Variants in PTPRF observed in about 807,000 individuals in gnomAD.
The protein encoded by PTPRF is receptor-type tyrosine-protein phosphatase F.
A neutral mutation model predicts 201.8 loss-of-function variants in PTPRF; 59 were observed. That is an observed-to-expected ratio of 0.29 (90% CI 0.24 to 0.36). The LOEUF (loss-of-function observed/expected upper bound fraction) is 0.36. Ranked by LOEUF, PTPRF falls within the 10% of genes least tolerant of loss-of-function variation. The pLI, the probability that PTPRF is intolerant of heterozygous loss-of-function variation, is 1.00. For missense variants in PTPRF, 2,132 were observed against 2,690.5 expected, an observed-to-expected ratio of 0.79 and a Z score of 4.59; for synonymous variants, 1,088 against 1,089.7, an observed-to-expected ratio of 1.00 and a Z score of 0.03.
In PTPRF at chr1:43,578,818, C is replaced by A; in HGVS notation, c.577C>A (p.Gln193Lys). Residue 193 changes from glutamine to lysine, a missense_variant, in exon 7 of 34, where the codon CAG becomes AAG. By Grantham distance (53) the Gln-to-Lys change is moderately conservative. This residue lies in a region of PTPRF where 297 missense variants were observed against 454.0 expected (regional missense o/e 0.65). Coordinates refer to ENST00000359947, the MANE Select transcript of PTPRF (RefSeq NM_002840.5). ...RIKQLRSGAL[Q>K]IESSEESDQG... is the part of the protein sequence containing the mutation. ...GCTTCGTGTACCCACAGGTGCCTTG[C>A]AGATAGAGAGCAGTGAGGAATCCGA... 6.2e-7 allele frequency: 1 copy of A among 1,613,212 alleles called. No individual in the cohort carries two copies. Among genetic ancestry groups the A allele is most frequent in the Non-Finnish European group, 8.5e-7 (1 of 1,179,380 alleles).
chr1:43,606,882 G>A lies in PTPRF; in HGVS notation c.3771G>A (p.Glu1257=), dbSNP rs1655249310. The change falls in exon 21 of 34, where the codon GAG becomes GAA. Residue 1257 remains glutamate, a synonymous_variant. Transcript: ENST00000359947. ...AGGTGACACCAGCCCAGCAGCAGGA[G>A]GAGCCGGAGATGCTGTGGGTGACGG... ...VVQVTPAQQQ[E]EPEMLWVTGP... is the part of the protein sequence containing the mutation. The A allele has an allele frequency of 6.2e-7, 1 of 1,614,086 alleles. No individual in the cohort carries two copies. The highest frequency in any genetic ancestry group is 1.7e-5 in the Admixed American group (1 of 60,006).
At chr1:43,563,428 G>A (rs1326686672) in intron 5 of PTPRF, among the ~76,000 whole-genome samples, 1 of 152,112 alleles carries the variant, frequency 6.6e-6, no homozygotes, top group Non-Finnish European at 1.5e-5. Context: ...CATTTGCCTG[G>A]CACTCCGGGG....
intron 6 of PTPRF, among the ~76,000 whole-genome samples, chr1:43,578,548 T>C (rs1200906794): frequency 6.6e-6 from 1 of 152,088 alleles, no homozygotes; most frequent in Non-Finnish European, 1.5e-5. Context: ...TGGGGTACAG[T>C]CCCTGGCAGA....
chr1:43,598,189 G>C, intron 12 of PTPRF, 136 bp downstream of exon 12: 2 of 941,050 alleles, frequency 2.1e-6, no homozygotes, highest in Non-Finnish European at 3.0e-6. Context: ...GGCCTAAAGT[G>C]GGGGGATGTC....
intron 11 of PTPRF, 149 bp from the exon 12 acceptor site, chr1:43,597,599 G>A: frequency 1.6e-6 from 1 of 631,664 alleles, no homozygotes; most frequent in Non-Finnish European, 2.8e-6. Flanking sequence ...GAGAGTGGCA[G>A]CAGCCTGCCT....
chr1:43,558,557 GGCCC>G (rs1645555073), intron 5 of PTPRF, among the ~76,000 whole-genome samples: 1 of 152,214 alleles, frequency 6.6e-6, no homozygotes, highest in Admixed American at 6.5e-5. Flanking sequence ...ATGAGCGTGG[GGCCC>G]GCCGCCCAGC....
At chr1:43,577,947 C>T (rs1405156961) in intron 6 of PTPRF, among the ~76,000 whole-genome samples, 1 of 152,100 alleles carries the variant, frequency 6.6e-6, no homozygotes, top group South Asian at 2.1e-4. Flanking sequence ...GGCCAGGGGA[C>T]GGCCAAGTCC....
intron 25 of PTPRF, among the ~76,000 whole-genome samples, chr1:43,618,325 A>G (rs1477678642): frequency 6.6e-6 from 1 of 152,234 alleles, no homozygotes; most frequent in African/African-American, 2.4e-5. Context: ...TAAAATTTAC[A>G]GAGCTTGAAA....
chr1:43,615,603 G>A (rs949076676), intron 23 of PTPRF, among the ~76,000 whole-genome samples: 20 of 124,786 alleles, frequency 1.6e-4, no homozygotes, highest in South Asian at 2.7e-4. Context: ...GTCTCGCTCC[G>A]TCATCCAGGC....
chr1:43,613,769 C>T, intron 23 of PTPRF, 54 bp downstream of exon 23: 1 of 1,475,170 alleles, frequency 6.8e-7, no homozygotes, highest in Middle Eastern at 1.7e-4. Flanking sequence ...CCCAAACCAG[C>T]TCCTGTCCTG....
intron 5 of PTPRF, among the ~76,000 whole-genome samples, chr1:43,556,471 A>T (rs1361420023): frequency 6.6e-6 from 1 of 152,196 alleles, no homozygotes; most frequent in African/African-American, 2.4e-5. Context: ...CATGTTGGCC[A>T]GGCTGGTCTC....
chr1:43,555,095 G>A (rs1645268409), intron 5 of PTPRF, among the ~76,000 whole-genome samples: 1 of 151,906 alleles, frequency 6.6e-6, no homozygotes, highest in Non-Finnish European at 1.5e-5. Context: ...CAGGTGATCC[G>A]CCTGCCTCAG....
chr1:43,545,461 T>C (rs1644603884), intron 3 of PTPRF, among the ~76,000 whole-genome samples: 1 of 152,098 alleles, frequency 6.6e-6, no homozygotes. Context: ...TGTGCGCGTG[T>C]GTGTGCTGTG....
At chr1:43,566,264 T>A (rs1025688992) in intron 5 of PTPRF, among the ~76,000 whole-genome samples, 8 of 152,226 alleles carry the variant, frequency 5.3e-5, no homozygotes, top group Middle Eastern at 3.2e-3. Context: ...CTTGGGCAGG[T>A]GTCCAGATGT....
intron 7 of PTPRF, among the ~76,000 whole-genome samples, chr1:43,585,860 A>C (rs1051288406): frequency 6.6e-6 from 1 of 152,142 alleles, no homozygotes; most frequent in Non-Finnish European, 1.5e-5. Flanking sequence ...CGACGTGATT[A>C]GGCCCCATGA....
chr1:43,579,237 T>A (rs1446712971), intron 7 of PTPRF: 1 of 571,552 alleles, frequency 1.7e-6, no homozygotes, highest in Non-Finnish European at 3.4e-6. Flanking sequence ...GACTTCTTGG[T>A]GTATGTGCAT....
chr1:43,603,398 C>T lies in PTPRF; in HGVS notation c.2341-18C>T. On this transcript the variant is annotated intron_variant, in intron 14 of 33. Coordinates refer to ENST00000359947, the MANE Select transcript of PTPRF (RefSeq NM_002840.5). This position sits in a 1 kb window ranked among gnomAD's most constrained non-coding sequence, Gnocchi z 5.8. ...CCTGCATTCTTGTGATGGGAACGAA[C>T]CCCTCCTCCTCCCTCAGGAAACCAC... 6.2e-7 allele frequency: 1 copy of T among 1,607,844 alleles called. No homozygotes were observed. The highest frequency in any genetic ancestry group is 2.2e-5 in the East Asian group (1 of 44,836).
intron 6 of PTPRF, among the ~76,000 whole-genome samples, chr1:43,577,636 C>T (rs1009021439): frequency 6.6e-6 from 1 of 152,094 alleles, no homozygotes; most frequent in African/African-American, 2.4e-5. Context: ...GGCTCCTGTC[C>T]AGTCCAGGCA....
chr1:43,540,950 G>A (rs1644323354), intron 2 of PTPRF, among the ~76,000 whole-genome samples: 1 of 152,266 alleles, frequency 6.6e-6, no homozygotes. Context: ...TTCCGCCTCC[G>A]CGGCCGCTGC....
Sources: allele counts gnomAD v4.1 joint callset (sites outside exome capture counted in the v4.1 genomes callset), GRCh38; gene constraint gnomAD v4.1.1; regional missense constraint gnomAD v4.1.1; non-coding constraint Gnocchi (gnomAD v3.1); transcripts MANE v1.5; gene names NCBI Gene and HGNC (gene_info 2026-07-23, HGNC 2026-07-21).